Variants in CORO7 observed in about 807,000 individuals in gnomAD.
CORO7 encodes coronin-7.
In CORO7, 107 loss-of-function variants were observed where a neutral mutation model predicts 126.6. The observed-to-expected ratio is 0.85, with a 90% CI of 0.72 to 0.99. The LOEUF (loss-of-function observed/expected upper bound fraction) is 0.99, where lower values mean the gene tolerates loss of function less well. Ranked by LOEUF, CORO7 falls within the 50% of genes least tolerant of loss-of-function variation. The pLI is 0.00. For missense variants in CORO7, 1,314 were observed against 1,255.8 expected, an observed-to-expected ratio of 1.05 and a Z score of -0.70; for synonymous variants, 603 against 536.8, an observed-to-expected ratio of 1.12 and a Z score of -1.70.
intron 1 of CORO7, chr16:4,415,947 G>A (rs2056393973): frequency 1.0e-5 from 10 of 957,898 alleles, no homozygotes; most frequent in South Asian, 4.8e-5. Context: ...GGAAACCCGA[G>A]GGAGGGGCGC....
chr16:4,386,589 C>T (rs1412621885), intron 9 of CORO7, among the ~76,000 whole-genome samples: 2 of 152,170 alleles, frequency 1.3e-5, no homozygotes, highest in African/African-American at 4.8e-5. Flanking sequence ...CTCCTCAAGG[C>T]GGGGCGGGTC....
intron 14 of CORO7, among the ~76,000 whole-genome samples, chr16:4,363,982 G>A (rs2054266971): frequency 6.6e-6 from 1 of 152,090 alleles, no homozygotes; most frequent in Admixed American, 6.6e-5. Flanking sequence ...TCACACCATT[G>A]TACTCTAGCC....
chr16:4,386,049 T>C (rs921654197), intron 9 of CORO7, among the ~76,000 whole-genome samples: 1 of 152,112 alleles, frequency 6.6e-6, no homozygotes, highest in East Asian at 1.9e-4. Flanking sequence ...CCAGGACGCC[T>C]GGGGGTGCAG....
intron 7 of CORO7, among the ~76,000 whole-genome samples, chr16:4,389,898 T>TC (rs1457082604): frequency 6.6e-6 from 1 of 152,100 alleles, no homozygotes; most frequent in African/African-American, 2.4e-5. Flanking sequence ...ACACAAGGCC[T>TC]CCCAGGGGCC....
chr16:4,362,861 G>T lies in CORO7; in HGVS notation c.1276-123C>A. 8.4e-7 allele frequency: 1 copy of T among 1,195,578 alleles called. No individual in the cohort carries two copies. The highest frequency in any genetic ancestry group is 1.1e-6 in the Non-Finnish European group (1 of 945,086). The allele number at this position is 1,195,578 out of a possible 1,614,324, so 74.1% of individuals were successfully genotyped here. A position where few individuals can be genotyped will look rare whatever the true frequency, so the allele number is the denominator to read the frequency against. ...GCGGACTGGAGGAGCCCCCACTGTG[G>T]GCATGCGACAGGAGCGGCGGGGGGC... On this transcript the variant is annotated intron_variant, in intron 14 of 27. Coordinates refer to ENST00000251166, the MANE Select transcript of CORO7 (RefSeq NM_024535.5). This position sits in a 1 kb window ranked among gnomAD's most constrained non-coding sequence, Gnocchi z 5.3.
intron 23 of CORO7, 31 bp from the exon 24 acceptor site, chr16:4,358,514 T>C: frequency 9.0e-6 from 14 of 1,558,516 alleles, no homozygotes; most frequent in Non-Finnish European, 1.2e-5. Context: ...GAGCTGCCGC[T>C]GGGACCTAGA....
At chr16:4,403,724 G>A (rs1172037030) in intron 6 of CORO7, among the ~76,000 whole-genome samples, 1 of 152,182 alleles carries the variant, frequency 6.6e-6, no homozygotes, top group Non-Finnish European at 1.5e-5. Flanking sequence ...AGTAAATAGG[G>A]CTCGGACCCC....
intron 13 of CORO7, 55 bp from the exon 14 acceptor site, chr16:4,364,468 GC>G (rs2054283160): frequency 6.8e-7 from 1 of 1,475,138 alleles, no homozygotes; most frequent in East Asian, 2.4e-5. Flanking sequence ...GGTCAGGAGG[GC>G]CCCCATGGGA....
intron 2 of CORO7, 117 bp from the exon 3 acceptor site, chr16:4,412,547 A>G: frequency 1.9e-6 from 2 of 1,039,572 alleles, no homozygotes; most frequent in South Asian, 1.4e-5. Flanking sequence ...CAGAGCCTCT[A>G]CCAATCACAA....
At chr16:4,401,825 C>T (rs919055088) in intron 6 of CORO7, among the ~76,000 whole-genome samples, 2 of 152,066 alleles carry the variant, frequency 1.3e-5, no homozygotes, top group Non-Finnish European at 2.9e-5. Flanking sequence ...GTGCAGAGAC[C>T]GACAGCCCGA....
At position 4,361,850 on chromosome 16, in the gene CORO7, G is replaced by C. The variant is rs1437333618; in HGVS notation, c.1578+135C>G. The C allele has an allele frequency of 2.2e-6, 3 of 1,382,514 alleles. No homozygotes were observed. In the South Asian group the frequency reaches 3.7e-5, roughly 17 times the overall value. The allele number at this position is 1,382,514 out of a possible 1,614,324, so 85.6% of individuals were successfully genotyped here. A position where few individuals can be genotyped will look rare whatever the true frequency, so the allele number is the denominator to read the frequency against. On this transcript the variant is annotated intron_variant, in intron 16 of 27. Transcript: ENST00000251166. The stretch of plus-strand genomic sequence containing the variant: ...GGCAGGCCCCATGGCAGGTGGCTGG[G>C]AGGATCACAGGACAGGCGGGCAGGA...
intron 2 of CORO7, 58 bp from the exon 3 acceptor site, chr16:4,412,488 G>T: frequency 6.3e-7 from 1 of 1,581,538 alleles, no homozygotes; most frequent in East Asian, 2.2e-5. Flanking sequence ...CCACCTCCTT[G>T]CCCAGGGATC....
In CORO7 at chr16:4,402,865, T is replaced by A. The variant is rs563137202; in HGVS notation, c.564+2626A>T. On this transcript the variant is annotated intron_variant, in intron 6 of 27. Transcript: ENST00000251166. ...CGCCCCCTAGCGGCCTCCTGCCCCT[T>A]CTCTCCCAGCTCGGGAGGCCCCTTC... Among the ~76,000 whole-genome samples, 387 of 152,262 alleles carry A rather than the reference T, an allele frequency of 2.5e-3. 2 individuals are homozygous for A. The highest frequency in any genetic ancestry group is 7.9e-3 in the African/African-American group (329 of 41,566).
At chr16:4,381,806 G>A in intron 9 of CORO7, 1 of 1,600,408 alleles carries the variant, frequency 6.2e-7, no homozygotes. Context: ...AGCTGGTTTG[G>A]CCCCTGGGTG....
intron 9 of CORO7, 185 bp downstream of exon 9, chr16:4,387,801 C>T (rs2141263849): frequency 4.3e-6 from 3 of 695,588 alleles, no homozygotes; most frequent in Non-Finnish European, 7.2e-6. Flanking sequence ...ACCTGCTGCT[C>T]GTGACATCTG....
At chr16:4,388,198 G>A (rs972391503) in intron 8 of CORO7, 130 bp from the exon 9 acceptor site, 6 of 1,154,816 alleles carry the variant, frequency 5.2e-6, no homozygotes, top group South Asian at 4.2e-5. Flanking sequence ...GGCTTGGAGT[G>A]GGGGTGGGAG....
chr16:4,371,245 A>AGGCT (rs1404782157), intron 9 of CORO7, among the ~76,000 whole-genome samples: 1 of 152,186 alleles, frequency 6.6e-6, no homozygotes, highest in African/African-American at 2.4e-5. Flanking sequence ...ACAACTCTTA[A>AGGCT]GGCTGTCGTG....
chr16:4,415,133 G>A (rs1045616434), intron 1 of CORO7, among the ~76,000 whole-genome samples: 3 of 152,052 alleles, frequency 2.0e-5, no homozygotes, highest in African/African-American at 4.8e-5. Context: ...TGGGATTACC[G>A]TGAGTCATGG....
At chr16:4,381,358 C>T (rs768215362) in intron 9 of CORO7, 7 of 1,597,922 alleles carry the variant, frequency 4.4e-6, no homozygotes, top group Admixed American at 3.4e-5. Flanking sequence ...CAACGAGCTG[C>T]GGGCACTGCC....
Sources: allele counts gnomAD v4.1 joint callset (sites outside exome capture counted in the v4.1 genomes callset), GRCh38; gene constraint gnomAD v4.1.1; non-coding constraint Gnocchi (gnomAD v3.1); transcripts MANE v1.5; gene names NCBI Gene and HGNC (gene_info 2026-07-23, HGNC 2026-07-21).